The following CCDC134 variants were observed in gnomAD, a reference collection of about 807,000 sequenced individuals.
CCDC134 encodes the protein coiled-coil domain containing 134, also known as coiled-coil domain-containing protein 134.
Under a neutral mutation model 25.6 loss-of-function variants are expected in CCDC134, and 27 were observed. That is an observed-to-expected ratio of 1.05 (90% CI 0.78 to 1.45). The LOEUF is 1.45. Among genes scored for constraint, CCDC134 ranks in the 40% most tolerant of loss-of-function variants. The pLI, the probability that CCDC134 is intolerant of heterozygous loss-of-function variation, is 0.00. For synonymous variants in CCDC134, 110 were observed against 115.0 expected (o/e 0.96, Z 0.28); for missense variants, 261 against 286.7 (o/e 0.91, Z 0.65).
At chr22:41,817,845 G>A (rs541926638) in intron 6 of CCDC134, among the ~76,000 whole-genome samples, 2 of 152,228 alleles carry the variant, frequency 1.3e-5, no homozygotes, top group Non-Finnish European at 2.9e-5. Context: ...TAGTCAGTAA[G>A]AATATAACAT....
At chr22:41,805,059 ACT>A (rs2076561544) in intron 1 of CCDC134, among the ~76,000 whole-genome samples, 1 of 152,014 alleles carries the variant, frequency 6.6e-6, no homozygotes, top group South Asian at 2.1e-4. Flanking sequence ...ACAGAGTGAG[ACT>A]CTGTCTCAAA....
chr22:41,806,731 T>C (rs2076569297), intron 1 of CCDC134, among the ~76,000 whole-genome samples: 1 of 152,086 alleles, frequency 6.6e-6, no homozygotes, highest in South Asian at 2.1e-4. Flanking sequence ...GTTTCCATCA[T>C]ATTATAGTGG....
intron 1 of CCDC134, among the ~76,000 whole-genome samples, chr22:41,802,414 A>G (rs2076547957): frequency 6.6e-6 from 1 of 152,086 alleles, no homozygotes; most frequent in African/African-American, 2.4e-5. Flanking sequence ...ACTAGGAGTC[A>G]GTGTCAAAAC....
chr22:41,826,065 A>G lies in CCDC134; in HGVS notation c.*242A>G. ...CAGAGGATTTTATGCTGGAAATATG[A>G]CCCTGTGCAGACTGCTGGGGGAGGC... On this transcript the variant is annotated 3_prime_UTR_variant, in exon 7 of 7. Coordinates refer to ENST00000255784, the MANE Select transcript of CCDC134 (RefSeq NM_024821.5). 2.3e-6 allele frequency: 1 copy of G among 439,602 alleles called. No individual in the cohort carries two copies. The highest frequency in any genetic ancestry group is 4.2e-6 in the Non-Finnish European group (1 of 239,008). 27.2% of individuals were successfully genotyped at this position (439,602 alleles called of 1,614,324 possible).
intron 6 of CCDC134, among the ~76,000 whole-genome samples, chr22:41,817,928 C>T (rs933075903): frequency 6.6e-6 from 1 of 151,998 alleles, no homozygotes; most frequent in Admixed American, 6.6e-5. Flanking sequence ...TCTGACTGGC[C>T]TTTATGGCAG....
rs530979389 is a variant in CCDC134, at chr22:41,821,544, A to G, written c.565-4154A>G. Among the ~76,000 whole-genome samples the G allele has an allele frequency of 2.1e-5, 3 of 143,234 alleles. No homozygotes were observed. The Admixed American group carries it at 2.3e-4, about 11-fold the overall frequency. The allele number at this position is 143,234 out of a possible 152,430, so 94.0% of individuals were successfully genotyped here. A position where few individuals can be genotyped will look rare whatever the true frequency, so the allele number is the denominator to read the frequency against. ...TGTTCTCATTGTTCAATTCCCATCT[A>G]TGAGTGAGAACATGCGGTGTTTGGT... is the stretch of plus-strand genomic sequence containing the variant. On this transcript the variant is annotated intron_variant, in intron 6 of 6. Transcript: ENST00000255784.
rs1035915148 is a variant in CCDC134, at chr22:41,827,703, T to C, written c.*1880T>C. Among the ~76,000 whole-genome samples, 7 of 152,242 alleles carry C rather than the reference T, an allele frequency of 4.6e-5. No homozygotes were observed. The highest frequency in any genetic ancestry group is 1.3e-4 in the Admixed American group (2 of 15,292). ...CCTATGGGGAGGATATTCCCTGTTA[T>C]AGCTGAAGCGTGAATTGGCCTTATG... On this transcript the variant is annotated 3_prime_UTR_variant, in exon 7 of 7. Coordinates refer to ENST00000255784, the MANE Select transcript of CCDC134 (RefSeq NM_024821.5).
intron 1 of CCDC134, among the ~76,000 whole-genome samples, chr22:41,802,869 G>A (rs1197952916): frequency 6.6e-6 from 1 of 151,150 alleles, no homozygotes; most frequent in African/African-American, 2.4e-5. Flanking sequence ...AACCGAGATC[G>A]CACCACTGCA....
At chr22:41,814,592 A>G (rs1393464242) in intron 6 of CCDC134, among the ~76,000 whole-genome samples, 1 of 151,016 alleles carries the variant, frequency 6.6e-6, no homozygotes, top group African/African-American at 2.4e-5. Flanking sequence ...GGGGACAGAT[A>G]CGATAGATGG....
intron 1 of CCDC134, among the ~76,000 whole-genome samples, chr22:41,805,708 T>C (rs1237971193): frequency 2.0e-5 from 3 of 152,216 alleles, no homozygotes; most frequent in African/African-American, 7.2e-5. Flanking sequence ...GGCAGGAGGA[T>C]TGCTTGAGCT....
chr22:41,812,879 C>A (rs1024406397), intron 4 of CCDC134, among the ~76,000 whole-genome samples: 23 of 152,114 alleles, frequency 1.5e-4, no homozygotes, highest in African/African-American at 5.3e-4. Context: ...GATACATCAG[C>A]ATCTGTGTGC....
intron 1 of CCDC134, among the ~76,000 whole-genome samples, chr22:41,804,155 G>A (rs2076557131): frequency 6.6e-6 from 1 of 152,066 alleles, no homozygotes; most frequent in Non-Finnish European, 1.5e-5. Flanking sequence ...ACGAGTAAGA[G>A]TCTCAAAATG....
chr22:41,821,707 T>C (rs1015905952), intron 6 of CCDC134, among the ~76,000 whole-genome samples: 3 of 152,110 alleles, frequency 2.0e-5, no homozygotes, highest in African/African-American at 7.2e-5. Context: ...GGCCAGGGGC[T>C]AGGTTGCTGG....
intron 3 of CCDC134, 26 bp from the exon 4 acceptor site, chr22:41,810,181 A>G: frequency 6.2e-7 from 1 of 1,612,344 alleles, no homozygotes; most frequent in Non-Finnish European, 8.5e-7. Context: ...CTGCGAAGCC[A>G]CTCAGCCCTG....
At position 41,808,800 on chromosome 22, in the gene CCDC134, T is replaced by A. The variant is rs1368117506; in HGVS notation, c.-16-75T>A. ...GCTGCACTATGTCGGGGGAAGCTGC[T>A]GTTCACCTGTGCACTCTATTTTATG... On this transcript the variant is annotated intron_variant, in intron 1 of 6. Transcript: ENST00000255784. The A allele has an allele frequency of 3.4e-6, 4 of 1,168,980 alleles. No individual in the cohort carries two copies. The African/African-American group carries it at 6.1e-5, about 18-fold the overall frequency. The allele number at this position is 1,168,980 out of a possible 1,614,324, so 72.4% of individuals were successfully genotyped here.
intron 6 of CCDC134, among the ~76,000 whole-genome samples, chr22:41,824,184 C>T (rs187578444): frequency 2.6e-5 from 4 of 152,250 alleles, no homozygotes; most frequent in Admixed American, 2.6e-4. Flanking sequence ...AGGAGCAGCC[C>T]CTCAGGGAGT....
chr22:41,827,659 A>G lies in CCDC134; in HGVS notation c.*1836A>G, dbSNP rs1478327392. Among the ~76,000 whole-genome samples, 1 of 152,198 alleles carries G rather than the reference A, an allele frequency of 6.6e-6. No homozygotes were observed. The highest frequency in any genetic ancestry group is 2.4e-5 in the African/African-American group (1 of 41,454). On this transcript the variant is annotated 3_prime_UTR_variant, in exon 7 of 7. Coordinates refer to ENST00000255784, the MANE Select transcript of CCDC134 (RefSeq NM_024821.5). ...TGGAAAGGATGAAGTAAATTTACAAATTCATTTACAGCATATACCCTATGG... is the reference window on the plus strand; with the variant it reads ...TGGAAAGGATGAAGTAAATTTACAAGTTCATTTACAGCATATACCCTATGG...
At chr22:41,805,443 AAAG>A (rs1328965273) in intron 1 of CCDC134, among the ~76,000 whole-genome samples, 1 of 152,198 alleles carries the variant, frequency 6.6e-6, no homozygotes, top group East Asian at 1.9e-4. Flanking sequence ...AAAATAAAAA[AAAG>A]AATACTTTTC....
rs2076707009 is a variant in CCDC134 at position 41,831,204 on chromosome 22, T to G, written c.*5381T>G. 6.6e-6 allele frequency: 1 copy of G among 152,062 alleles called. No homozygotes were observed. The highest frequency in any genetic ancestry group is 1.5e-5 in the Non-Finnish European group (1 of 68,074). 9.4% of individuals were successfully genotyped at this position (152,062 alleles called of 1,614,324 possible). On this transcript the variant is annotated 3_prime_UTR_variant, in exon 7 of 7. Transcript: ENST00000255784. ...CCCGGACTCTCTTTGTATTTTTTCT[T>G]TCTTTTTTTTGAGACAGAGTCTTGC...
Sources: gnomAD v4.1 joint callset for allele counts (sites outside exome capture counted in the v4.1 genomes callset) on GRCh38, gnomAD v4.1.1 for gene constraint, MANE v1.5 for transcripts, NCBI Gene and HGNC (gene_info 2026-07-23, HGNC 2026-07-21) for gene names.